Variants in ABRAXAS2 observed in about 807,000 individuals in gnomAD.
ABRAXAS2 encodes abraxas 2, BRISC complex subunit, also known as BRISC complex subunit Abraxas 2.
A neutral mutation model predicts 49.0 loss-of-function variants in ABRAXAS2; 23 were observed. That is an observed-to-expected ratio of 0.47 (90% CI 0.34 to 0.66). ABRAXAS2 has a LOEUF of 0.66. ABRAXAS2 is among the 30% of genes least tolerant of loss of function. The probability of loss-of-function intolerance (pLI) is 0.01; values close to 1 mark genes in which losing one functional copy is unlikely to be tolerated. For missense variants in ABRAXAS2, 443 were observed against 511.9 expected, an observed-to-expected ratio of 0.87 and a Z score of 1.30; for synonymous variants, 168 against 180.2, an observed-to-expected ratio of 0.93 and a Z score of 0.54.
intron 4 of ABRAXAS2, among the ~76,000 whole-genome samples, chr10:124,823,549 T>C (rs571963738): frequency 6.6e-6 from 1 of 152,352 alleles, no homozygotes; most frequent in South Asian, 2.1e-4. Flanking sequence ...ACAGCCATCC[T>C]TGTATCATCA....
chr10:124,808,894 GC>G (rs1176944130), intron 2 of ABRAXAS2, among the ~76,000 whole-genome samples: 1 of 152,206 alleles, frequency 6.6e-6, no homozygotes, highest in African/African-American at 2.4e-5. Flanking sequence ...ACTTTGGGAG[GC>G]CAAGTTGGGC....
chr10:124,815,864 G>A (rs555815976), intron 2 of ABRAXAS2, among the ~76,000 whole-genome samples: 1 of 149,514 alleles, frequency 6.7e-6, no homozygotes, highest in African/African-American at 2.5e-5. Context: ...GGTGGTTAAG[G>A]CCCTCTGTCC....
rs186693377 is a variant in ABRAXAS2, at chr10:124,825,573, C to G, written c.268-1022C>G. Among the ~76,000 whole-genome samples the G allele has an allele frequency of 1.8e-4, 27 of 152,152 alleles. No homozygotes were observed. In the East Asian group the frequency reaches 3.3e-3, roughly 18 times the overall value. On this transcript the variant is annotated intron_variant, in intron 4 of 8. Transcript: ENST00000298492. Reference sequence around the variant, plus strand: ...TGAAAATATTTGTGACAATGCTAGCCTCAGCAAAAGTTGGCTTACTTTCTA... The same window carrying G: ...TGAAAATATTTGTGACAATGCTAGCGTCAGCAAAAGTTGGCTTACTTTCTA...
intron 2 of ABRAXAS2, among the ~76,000 whole-genome samples, chr10:124,810,582 GT>G (rs1950780511): frequency 1.1e-5 from 1 of 90,294 alleles, no homozygotes; most frequent in Non-Finnish European, 2.3e-5. Flanking sequence ...CGTCGAGGAT[GT>G]TTTTGGTTTT....
intron 2 of ABRAXAS2, among the ~76,000 whole-genome samples, chr10:124,809,711 GC>G (rs760105051): frequency 7.2e-5 from 11 of 151,930 alleles, no homozygotes; most frequent in Non-Finnish European, 1.6e-4. Flanking sequence ...TTTGAATGAG[GC>G]CCAACACAAA....
At position 124,834,961 on chromosome 10, in the gene ABRAXAS2, C is replaced by A; in HGVS notation, c.1238C>A (p.Ser413Tyr). Reference sequence around the variant, plus strand: ...GAGGACCCCAGGAACACTCAGACCTCCCAGATTTAACTAAACAAAAGAAAC... The same window carrying A: ...GAGGACCCCAGGAACACTCAGACCTACCAGATTTAACTAAACAAAAGAAAC... ...PDEDPRNTQT[S>Y]QI The change falls in exon 9 of 9, where the codon TCC becomes TAC. Residue 413 changes from serine to tyrosine, a missense_variant. Physicochemically the swap from Ser to Tyr is moderately radical, Grantham distance 144. This residue lies in a region of ABRAXAS2 where 230 missense variants were observed against 237.0 expected (regional missense o/e 0.97). Coordinates refer to ENST00000298492, the MANE Select transcript of ABRAXAS2 (RefSeq NM_032182.4). 1.3e-6 allele frequency: 2 copies of A among 1,598,242 alleles called. No homozygotes were observed. The highest frequency in any genetic ancestry group is 2.7e-5 in the African/African-American group (2 of 74,164).
At position 124,815,396 on chromosome 10, in the gene ABRAXAS2, G is replaced by A. The variant is rs946475073; in HGVS notation, c.164-1180G>A. 5.3e-5 allele frequency among the ~76,000 whole-genome samples: 8 copies of A among 151,652 alleles called. No individual in the cohort carries two copies. The South Asian group carries it at 6.3e-4, about 12-fold the overall frequency. On this transcript the variant is annotated intron_variant, in intron 2 of 8. Transcript: ENST00000298492. Reference sequence around the variant, plus strand: ...TTTTTGGTGGAGACGAGGTTTCACCGTGTTAGCCAGGATGGTCTCGATCTC... The same window carrying A: ...TTTTTGGTGGAGACGAGGTTTCACCATGTTAGCCAGGATGGTCTCGATCTC...
chr10:124,831,395 G>T lies in ABRAXAS2; in HGVS notation c.710G>T (p.Cys237Phe). ...VEKSERVVES[C>F]QAEVNKLRRQ... ...AAGAGTGAGCGAGTTGTTGAATCTTGTCAGGCAGAAGTGAACAAATTAAGA... is the reference window on the plus strand; with the variant it reads ...AAGAGTGAGCGAGTTGTTGAATCTTTTCAGGCAGAAGTGAACAAATTAAGA... Residue 237 changes from cysteine to phenylalanine, a missense_variant, in exon 8 of 9, where the codon TGT becomes TTT. Cys to Phe is a radical substitution (Grantham distance 205). Coordinates refer to ENST00000298492, the MANE Select transcript of ABRAXAS2 (RefSeq NM_032182.4). 6.2e-7 allele frequency: 1 copy of T among 1,613,394 alleles called. No homozygotes were observed.
In ABRAXAS2 at chr10:124,831,451, G is replaced by C. The variant is rs1160325007; in HGVS notation, c.766G>C (p.Glu256Gln). 6.4e-7 allele frequency: 1 copy of C among 1,558,510 alleles called. No individual in the cohort carries two copies. The highest frequency in any genetic ancestry group is 1.4e-5 in the African/African-American group (1 of 73,508). The change falls in exon 8 of 9, where the codon GAA (glutamate) becomes CAA (glutamine). Residue 256 changes from glutamate to glutamine, a missense_variant. Glu to Gln is a conservative substitution (Grantham distance 29, BLOSUM62 2). Transcript: ENST00000298492. ...AATCACTCAGAGGAAAAATGAAAAGGAACAAGAAAGAAGTAAGTTTCTTAT... is the reference window on the plus strand; with the variant it reads ...AATCACTCAGAGGAAAAATGAAAAGCAACAAGAAAGAAGTAAGTTTCTTAT... ...RQITQRKNEK[E>Q]QERRLQQAVL...
At chr10:124,812,096 A>G (rs960030138) in intron 2 of ABRAXAS2, among the ~76,000 whole-genome samples, 7 of 152,226 alleles carry the variant, frequency 4.6e-5, no homozygotes, top group Middle Eastern at 3.2e-3. Flanking sequence ...AAAATTCTAT[A>G]TAACATAAAG....
At chr10:124,826,877 G>C (rs1163500023) in intron 5 of ABRAXAS2, 92 bp downstream of exon 5, 7 of 1,248,388 alleles carry the variant, frequency 5.6e-6, no homozygotes, top group Non-Finnish European at 7.9e-6. Context: ...ACTTTGGAAG[G>C]CTGAGGCGGA....
intron 3 of ABRAXAS2, 71 bp downstream of exon 3, chr10:124,816,683 C>A: frequency 8.7e-7 from 1 of 1,149,994 alleles, no homozygotes; most frequent in South Asian, 1.3e-5. Context: ...GAATTTTGGC[C>A]TGTAGCTGAT....
chr10:124,827,399 T>TGA (rs1040246238), intron 5 of ABRAXAS2, among the ~76,000 whole-genome samples: 1 of 152,070 alleles, frequency 6.6e-6, no homozygotes, highest in Non-Finnish European at 1.5e-5. Context: ...TGACCTCAGG[T>TGA]GATCCACCTG....
chr10:124,827,632 G>A (rs1334931928), intron 5 of ABRAXAS2, among the ~76,000 whole-genome samples: 2 of 151,926 alleles, frequency 1.3e-5, no homozygotes, highest in South Asian at 2.1e-4. Flanking sequence ...ATGTGGAAAT[G>A]TAGTTTTATT....
rs564233545 is a variant in ABRAXAS2, at chr10:124,803,985, C to A, written c.72+2084C>A. On this transcript the variant is annotated intron_variant, in intron 1 of 8. Coordinates refer to ENST00000298492, the MANE Select transcript of ABRAXAS2 (RefSeq NM_032182.4). ...TAGTCCCCATGCCATAGTTTGCCAA[C>A]TCCTACTATAAAGGAACATTGGCTC... Among the ~76,000 whole-genome samples the A allele has an allele frequency of 2.0e-5, 3 of 152,288 alleles. No individual in the cohort carries two copies. The East Asian group carries it at 5.8e-4, about 29-fold the overall frequency.
rs1248498005 is a variant in ABRAXAS2 at position 124,829,422 on chromosome 10, T to C, written c.608T>C (p.Met203Thr). 9 of 1,611,338 alleles carry C rather than the reference T, an allele frequency of 5.6e-6. No homozygotes were observed. The highest frequency in any genetic ancestry group is 7.6e-6 in the Non-Finnish European group (9 of 1,178,392). The change falls in exon 7 of 9, where the codon ATG becomes ACG. Residue 203 changes from methionine to threonine, a missense_variant. Transcript: ENST00000298492. ...GACTTTTTTGACAAGGATGGAGTGA[T>C]GAAAGACATCAGGGCGATTTATCAG... ...GTDFFDKDGV[M>T]KDIRAIYQVY... is the part of the protein sequence containing the mutation.
intron 5 of ABRAXAS2, among the ~76,000 whole-genome samples, chr10:124,828,180 T>C (rs1950908618): frequency 6.6e-6 from 1 of 152,134 alleles, no homozygotes; most frequent in Non-Finnish European, 1.5e-5. Context: ...TTAATTACTT[T>C]TATTTATTTT....
At chr10:124,810,101 G>A (rs976402157) in intron 2 of ABRAXAS2, among the ~76,000 whole-genome samples, 3 of 152,114 alleles carry the variant, frequency 2.0e-5, no homozygotes, top group Non-Finnish European at 4.4e-5. Flanking sequence ...GCTAGTGTTA[G>A]TATATTTTAT....
At chr10:124,819,523 A>ATGGAAACC in intron 4 of ABRAXAS2, 73 bp downstream of exon 4, 1 of 1,324,856 alleles carries the variant, frequency 7.5e-7, no homozygotes, top group Non-Finnish European at 1.1e-6. Context: ...CCAGACAGGA[A>ATGGAAACC]TGTAAAATGG....
Sources: allele counts gnomAD v4.1 joint callset (sites outside exome capture counted in the v4.1 genomes callset), GRCh38; gene constraint gnomAD v4.1.1; regional missense constraint gnomAD v4.1.1; transcripts MANE v1.5; gene names NCBI Gene and HGNC (gene_info 2026-07-23, HGNC 2026-07-21).